The following LRRC4C variants were observed in gnomAD, a reference collection of about 807,000 sequenced individuals.
LRRC4C encodes leucine rich repeat containing 4C.
In LRRC4C, 5 loss-of-function variants were observed where a neutral mutation model predicts 33.6. The observed-to-expected ratio is 0.15, with a 90% CI of 0.08 to 0.31. The LOEUF is 0.31. Among genes scored for constraint, LRRC4C ranks in the 10% least tolerant of loss-of-function variants. The pLI is 1.00. For synonymous variants in LRRC4C, 329 were observed against 302.0 expected (o/e 1.09, Z -0.93); for missense variants, 560 against 796.7 (o/e 0.70, Z 3.58).
intron 1 of LRRC4C, among the ~76,000 whole-genome samples, chr11:41,101,864 A>G (rs1436172119): frequency 1.3e-5 from 2 of 152,186 alleles, no homozygotes; most frequent in Non-Finnish European, 2.9e-5. Context: ...CATCATACTC[A>G]GCAAACTAAC....
At chr11:40,136,084 G>T (rs1347683636) in intron 6 of LRRC4C, among the ~76,000 whole-genome samples, 3 of 152,160 alleles carry the variant, frequency 2.0e-5, no homozygotes, top group African/African-American at 7.2e-5. Flanking sequence ...GTTTTTGTAA[G>T]TAAAGTTTTG....
chr11:40,577,161 G>A (rs1435783113), intron 3 of LRRC4C, among the ~76,000 whole-genome samples: 1 of 152,180 alleles, frequency 6.6e-6, no homozygotes, highest in Non-Finnish European at 1.5e-5. Flanking sequence ...CACTAGGAGA[G>A]AAGGATATTT....
intron 1 of LRRC4C, among the ~76,000 whole-genome samples, chr11:40,986,161 T>A (rs1181936376): frequency 6.6e-6 from 1 of 152,166 alleles, no homozygotes; most frequent in African/African-American, 2.4e-5. Context: ...AGTGATATGA[T>A]ATAAAAGAAG....
intron 5 of LRRC4C, among the ~76,000 whole-genome samples, chr11:40,157,074 C>T (rs990766246): frequency 3.9e-5 from 6 of 152,134 alleles, no homozygotes; most frequent in East Asian, 3.9e-4. Context: ...GGCACATAGA[C>T]GAATGCAGCA....
intron 1 of LRRC4C, among the ~76,000 whole-genome samples, chr11:40,998,115 G>T (rs1466346938): frequency 6.6e-6 from 1 of 151,914 alleles, no homozygotes; most frequent in African/African-American, 2.4e-5. Context: ...CTGAATTCAG[G>T]TTTCAATAAA....
chr11:40,987,663 T>TA lies in LRRC4C; in HGVS notation c.-495-53941_-495-53940insT, dbSNP rs1565274573. ...TATATATATATATATCTCATATATA[T>TA]GAGATATAAATGATATATATATATA... On this transcript the variant is annotated intron_variant, in intron 1 of 6. Coordinates refer to ENST00000528697, the MANE Select transcript of LRRC4C (RefSeq NM_001258419.2). 1.3e-4 allele frequency among the ~76,000 whole-genome samples: 10 copies of TA among 78,194 alleles called. No homozygotes were observed. In the South Asian group the frequency reaches 2.3e-3, roughly 18 times the overall value. The allele number at this position is 78,194 out of a possible 152,430, so 51.3% of individuals were successfully genotyped here.
At chr11:40,458,532 C>T (rs935713195) in intron 3 of LRRC4C, among the ~76,000 whole-genome samples, 6 of 152,174 alleles carry the variant, frequency 3.9e-5, no homozygotes, top group Non-Finnish European at 5.9e-5. Flanking sequence ...TTTTCTTCAT[C>T]ATCCGTGAAG....
chr11:40,562,781 G>A lies in LRRC4C; in HGVS notation c.-270+85361C>T, dbSNP rs1957600709. Among the ~76,000 whole-genome samples, 2 of 152,136 alleles carry A rather than the reference G, an allele frequency of 1.3e-5. 1 individual carries two copies. Among genetic ancestry groups the A allele is most frequent in the South Asian group, 4.1e-4 (2 of 4,824 alleles). On this transcript the variant is annotated intron_variant, in intron 3 of 6. Transcript: ENST00000528697. The stretch of plus-strand genomic sequence containing the variant: ...CCAAGCCAATGGCTGAGCAAATTGT[G>A]TATGTGAGTGGGTATTAGAACCGAA...
intron 1 of LRRC4C, among the ~76,000 whole-genome samples, chr11:41,250,930 AT>A (rs1469693029): frequency 6.6e-6 from 1 of 152,206 alleles, no homozygotes; most frequent in Non-Finnish European, 1.5e-5. Context: ...ATTTTAAAAA[AT>A]ATTTTGCAGC....
intron 2 of LRRC4C, among the ~76,000 whole-genome samples, chr11:40,711,465 T>C (rs1946461643): frequency 6.6e-6 from 1 of 152,198 alleles, no homozygotes; most frequent in Non-Finnish European, 1.5e-5. Flanking sequence ...AATGTATAAA[T>C]TGGTTATTAG....
chr11:40,114,412 G>C lies in LRRC4C; in HGVS notation c.1881C>G (p.Ile627Met), dbSNP rs1342853562. Residue 627 changes from isoleucine to methionine, a missense_variant, in exon 7 of 7, where the codon ATC (isoleucine) becomes ATG (methionine). This residue lies in a region of LRRC4C where 103 missense variants were observed against 132.1 expected (regional missense o/e 0.78). Coordinates refer to ENST00000528697, the MANE Select transcript of LRRC4C (RefSeq NM_001258419.2). Reference protein sequence around the residue: ...IHSSVHEPLLIRMNSKDNVQE... With the variant: ...IHSSVHEPLLMRMNSKDNVQE... ...GTACATTGTCTTTAGAGTTCATTCG[G>C]ATCAATAACGGTTCATGCACTGAAC... 1 of 1,613,900 alleles carries C rather than the reference G, an allele frequency of 6.2e-7. No homozygotes were observed. Among genetic ancestry groups the C allele is most frequent in the Non-Finnish European group, 8.5e-7 (1 of 1,179,968 alleles).
At chr11:40,767,223 A>G (rs1032021563) in intron 2 of LRRC4C, among the ~76,000 whole-genome samples, 27 of 152,266 alleles carry the variant, frequency 1.8e-4, no homozygotes, top group African/African-American at 6.5e-4. Context: ...TATAAAAAAG[A>G]CAAAGGAGGT....
chr11:40,402,159 T>A (rs1393025224), intron 3 of LRRC4C, among the ~76,000 whole-genome samples: 1 of 152,096 alleles, frequency 6.6e-6, no homozygotes, highest in African/African-American at 2.4e-5. Context: ...AAGAAAGCAG[T>A]CTTATTTTTC....
At chr11:40,612,554 T>C (rs1352517507) in intron 3 of LRRC4C, among the ~76,000 whole-genome samples, 1 of 151,934 alleles carries the variant, frequency 6.6e-6, no homozygotes, top group East Asian at 1.9e-4. Flanking sequence ...TTTACCATCA[T>C]TTCAAAAAGA....
At chr11:40,917,867 C>A (rs912475420) in intron 2 of LRRC4C, among the ~76,000 whole-genome samples, 1 of 152,082 alleles carries the variant, frequency 6.6e-6, no homozygotes, top group African/African-American at 2.4e-5. Flanking sequence ...ATCACAGTTA[C>A]ACACAAAGTA....
chr11:41,136,840 C>T (rs577681143), intron 1 of LRRC4C, among the ~76,000 whole-genome samples: 2 of 152,288 alleles, frequency 1.3e-5, no homozygotes, highest in South Asian at 2.1e-4. Flanking sequence ...ATTGTTGCTG[C>T]TTCAATACCA....
At chr11:41,391,282 G>A (rs1374351937) in intron 1 of LRRC4C, among the ~76,000 whole-genome samples, 1 of 151,854 alleles carries the variant, frequency 6.6e-6, no homozygotes, top group Non-Finnish European at 1.5e-5. Context: ...AAAAAATAGA[G>A]CTAAAATATA....
chr11:41,115,158 A>G (rs1942048610), intron 1 of LRRC4C, among the ~76,000 whole-genome samples: 1 of 152,080 alleles, frequency 6.6e-6, no homozygotes. Flanking sequence ...ACTTTTTCAG[A>G]AAGACTTAAA....
At chr11:40,524,833 C>T (rs2135258706) in intron 3 of LRRC4C, among the ~76,000 whole-genome samples, 1 of 152,230 alleles carries the variant, frequency 6.6e-6, no homozygotes, top group East Asian at 1.9e-4. Flanking sequence ...TTTTGGAGCT[C>T]GCATAGGCAT....
Sources: allele counts gnomAD v4.1 joint callset (sites outside exome capture counted in the v4.1 genomes callset), GRCh38; gene constraint gnomAD v4.1.1; regional missense constraint gnomAD v4.1.1; transcripts MANE v1.5; gene names NCBI Gene and HGNC (gene_info 2026-07-23, HGNC 2026-07-21).